The following SOX5 variants were observed in gnomAD, a reference collection of about 807,000 sequenced individuals.
SOX5 encodes SRY-box transcription factor 5.
Under a neutral mutation model 92.0 loss-of-function variants are expected in SOX5, and 9 were observed. That is an observed-to-expected ratio of 0.10 (90% confidence interval 0.06 to 0.17). The LOEUF (loss-of-function observed/expected upper bound fraction) is 0.17, where lower values mean the gene tolerates loss of function less well. SOX5 is among the 10% of genes least tolerant of loss of function. SOX5 has a pLI of 1.00. For missense variants in SOX5, 642 were observed against 944.5 expected, an observed-to-expected ratio of 0.68 and a Z score of 4.20; for synonymous variants, 344 against 336.3, an observed-to-expected ratio of 1.02 and a Z score of -0.25.
chr12:23,747,790 G>A (rs1215542915), intron 4 of SOX5, among the ~76,000 whole-genome samples: 3 of 151,892 alleles, frequency 2.0e-5, no homozygotes, highest in Non-Finnish European at 2.9e-5. Context: ...CCTCCTGGTG[G>A]AGCAAAATCT....
In SOX5 at chr12:24,291,673, C is replaced by T. The variant is rs2140512895; in HGVS notation, c.-173-14361G>A. On this transcript the variant is annotated intron_variant, in intron 2 of 4. Coordinates refer to the SOX5 transcript ENST00000446891. ...TTCTAAGTTACTAATATAGTATGTT[C>T]ATATAGGTTCTAATACAGTATGGCT... Among the ~76,000 whole-genome samples the T allele has an allele frequency of 1.3e-5, 2 of 152,246 alleles. 1 individual carries two copies. The highest frequency in any genetic ancestry group is 4.2e-4 in the South Asian group (2 of 4,810).
chr12:24,325,041 T>C (rs893374591), intron 2 of SOX5, among the ~76,000 whole-genome samples: 2 of 152,094 alleles, frequency 1.3e-5, no homozygotes, highest in African/African-American at 2.4e-5. Context: ...ATTGCTTTCC[T>C]GAATAAAAGG....
At chr12:23,852,656 T>C (rs1383856518) in intron 2 of SOX5, among the ~76,000 whole-genome samples, 1 of 152,188 alleles carries the variant, frequency 6.6e-6, no homozygotes, top group African/African-American at 2.4e-5. Flanking sequence ...TTTAAAAGTG[T>C]GTTCTTTAAA....
chr12:23,902,110 T>C (rs2097240447), intron 1 of SOX5, among the ~76,000 whole-genome samples: 1 of 152,150 alleles, frequency 6.6e-6, no homozygotes, highest in African/African-American at 2.4e-5. Flanking sequence ...AGTCAACTAC[T>C]AATAGACTTA....
At position 24,061,421 on chromosome 12, in the gene SOX5, A is replaced by G. The variant is rs1170159890; in HGVS notation, c.-2+151922T>C. On this transcript the variant is annotated intron_variant, in intron 4 of 4. Transcript: ENST00000446891. ...TGCCATGTATCCACTTTGTAGTCAC[A>G]ATGTTTGGTCATATCCAATGATTAT... 3.3e-5 allele frequency among the ~76,000 whole-genome samples: 5 copies of G among 152,036 alleles called. No individual in the cohort carries two copies. The East Asian group carries it at 7.7e-4, about 23-fold the overall frequency.
At chr12:23,559,007 T>C (rs1945735662) in intron 11 of SOX5, among the ~76,000 whole-genome samples, 1 of 152,212 alleles carries the variant, frequency 6.6e-6, no homozygotes, top group Non-Finnish European at 1.5e-5. Context: ...AGGTTAAGTA[T>C]ATATGGAGTG....
At chr12:23,652,130 T>TG (rs2081651401) in intron 7 of SOX5, among the ~76,000 whole-genome samples, 1 of 152,064 alleles carries the variant, frequency 6.6e-6, no homozygotes, top group South Asian at 2.1e-4. Context: ...CATATATTTT[T>TG]GGGGAAATGC....
chr12:23,941,680 C>G (rs1943672254), intron 1 of SOX5, among the ~76,000 whole-genome samples: 1 of 151,328 alleles, frequency 6.6e-6, no homozygotes, highest in African/African-American at 2.4e-5. Flanking sequence ...GACAAAGAAT[C>G]TGAATCTGAT....
intron 3 of SOX5, among the ~76,000 whole-genome samples, chr12:24,262,146 A>G (rs1296547499): frequency 6.6e-6 from 1 of 152,204 alleles, no homozygotes; most frequent in Non-Finnish European, 1.5e-5. Context: ...AATTTCTCCC[A>G]AGGAGTCTCA....
intron 1 of SOX5, among the ~76,000 whole-genome samples, chr12:24,547,986 T>A (rs1952806399): frequency 6.6e-6 from 1 of 152,176 alleles, no homozygotes; most frequent in Non-Finnish European, 1.5e-5. Flanking sequence ...AAGAATAAAG[T>A]TTATAACCAT....
At chr12:24,078,541 A>G (rs536791297) in intron 4 of SOX5, among the ~76,000 whole-genome samples, 3 of 152,170 alleles carry the variant, frequency 2.0e-5, no homozygotes, top group East Asian at 1.9e-4. Flanking sequence ...AAGGCTTTCA[A>G]TCAGGAGGAT....
intron 3 of SOX5, among the ~76,000 whole-genome samples, chr12:23,821,245 G>A (rs1054335469): frequency 1.3e-5 from 2 of 152,144 alleles, no homozygotes; most frequent in Non-Finnish European, 2.9e-5. Context: ...TGATGTATAG[G>A]AATGCTTGTG....
chr12:24,272,008 A>G (rs1419243854), intron 3 of SOX5, among the ~76,000 whole-genome samples: 1 of 152,088 alleles, frequency 6.6e-6, no homozygotes, highest in Non-Finnish European at 1.5e-5. Flanking sequence ...CAATGTACAG[A>G]TAACAAGAAA....
intron 1 of SOX5, among the ~76,000 whole-genome samples, chr12:24,488,596 T>C (rs993225702): frequency 1.3e-5 from 2 of 152,088 alleles, no homozygotes; most frequent in African/African-American, 2.4e-5. Context: ...AGAAAAAAAA[T>C]CTACAAAATA....
At chr12:23,617,128 G>A (rs929299168) in intron 8 of SOX5, among the ~76,000 whole-genome samples, 493 of 105,964 alleles carry the variant, frequency 4.7e-3, no homozygotes, top group East Asian at 7.4e-3. Flanking sequence ...TCTGTCTCAA[G>A]AAAAAAAAAA....
At chr12:23,612,426 C>A (rs1042167969) in intron 8 of SOX5, among the ~76,000 whole-genome samples, 2 of 152,022 alleles carry the variant, frequency 1.3e-5, no homozygotes, top group African/African-American at 2.4e-5. Context: ...ATAAAGTCCT[C>A]ACTCAAAAAT....
chr12:24,039,556 A>G (rs1190907157), intron 4 of SOX5, among the ~76,000 whole-genome samples: 1 of 152,216 alleles, frequency 6.6e-6, no homozygotes, highest in East Asian at 1.9e-4. Context: ...CATGATTCAC[A>G]TTTAATAATA....
intron 4 of SOX5, among the ~76,000 whole-genome samples, chr12:24,173,510 A>G (rs550200226): frequency 6.6e-6 from 1 of 152,330 alleles, no homozygotes; most frequent in East Asian, 1.9e-4. Flanking sequence ...TTTTCTGCTC[A>G]TATTAGTTAT....
In SOX5 at chr12:23,837,169, G is replaced by A. The variant is rs186178206; in HGVS notation, c.481+8814C>T. On this transcript the variant is annotated intron_variant, in intron 3 of 14. Transcript: ENST00000451604. ...TAGCTTACCAGTTGTTGGAAGAGTC[G>A]TATACATCTCCATATATACATGTGT... Among the ~76,000 whole-genome samples, 10 of 139,014 alleles carry A rather than the reference G, an allele frequency of 7.2e-5. No homozygotes were observed. In the East Asian group the frequency reaches 8.0e-4, roughly 11 times the overall value. 91.2% of individuals were successfully genotyped at this position (139,014 alleles called of 152,430 possible).
Sources: gnomAD v4.1 joint callset for allele counts (sites outside exome capture counted in the v4.1 genomes callset) on GRCh38, gnomAD v4.1.1 for gene constraint, MANE v1.5 for transcripts, NCBI Gene and HGNC (gene_info 2026-07-23, HGNC 2026-07-21) for gene names.